Variants in DISC1 observed in about 807,000 individuals in gnomAD.
The protein encoded by DISC1 is disrupted in schizophrenia 1 protein.
Under a neutral mutation model 84.5 loss-of-function variants are expected in DISC1, and 57 were observed. The observed-to-expected ratio is 0.67, with a 90% CI of 0.55 to 0.84. DISC1 has a LOEUF of 0.84. Ranked by LOEUF, DISC1 falls within the 40% of genes least tolerant of loss-of-function variation. The pLI is 0.00. For synonymous variants in DISC1, 411 were observed against 415.2 expected, an observed-to-expected ratio of 0.99 and a Z score of 0.12; for missense variants, 1,000 against 1,057.8, an observed-to-expected ratio of 0.95 and a Z score of 0.76.
chr1:231,819,069 G>A (rs974365024), intron 9 of DISC1: 7 of 986,906 alleles, frequency 7.1e-6, no homozygotes, highest in Admixed American at 1.2e-4. Flanking sequence ...TTTTCCAGTC[G>A]TTAGGAGTAA....
chr1:231,918,305 C>T (rs994447140), intron 9 of DISC1, among the ~76,000 whole-genome samples: 2 of 152,194 alleles, frequency 1.3e-5, no homozygotes. Context: ...GATGAGAGAA[C>T]CAAGATGATT....
intron 8 of DISC1, 36 bp downstream of exon 8, chr1:231,800,246 A>T (rs777560412): frequency 6.7e-7 from 1 of 1,501,894 alleles, no homozygotes; most frequent in Non-Finnish European, 9.3e-7. Context: ...AAGCTATCCA[A>T]CTAAAATAAT....
At chr1:231,875,186 T>C (rs1179340183) in intron 9 of DISC1, among the ~76,000 whole-genome samples, 4 of 152,176 alleles carry the variant, frequency 2.6e-5, no homozygotes, top group African/African-American at 9.7e-5. Context: ...TATTAAGCTG[T>C]AATGTTTGGA....
chr1:231,790,701 G>A (rs1271004992), intron 6 of DISC1, among the ~76,000 whole-genome samples: 1 of 151,912 alleles, frequency 6.6e-6, no homozygotes, highest in African/African-American at 2.4e-5. Flanking sequence ...TGTATTTTTA[G>A]TAGAGACGGG....
At position 231,694,624 on chromosome 1, in the gene DISC1, G is replaced by A. The variant is rs1352660749; in HGVS notation, c.866G>A (p.Arg289His). 5.6e-6 allele frequency: 9 copies of A among 1,614,144 alleles called. No individual in the cohort carries two copies. The highest frequency in any genetic ancestry group is 2.7e-5 in the African/African-American group (2 of 74,954). ...GCAAGGAACAGCTCCAGGCCAGAGC[G>A]TGACATGCATTCTTTACCAGACATG... ...QAARNSSRPE[R>H]DMHSLPDMDP... Residue 289 changes from arginine to histidine, a missense_variant, in exon 2 of 13, where the codon CGT becomes CAT. This residue lies in a region of DISC1 where 311 missense variants were observed against 400.1 expected (regional missense o/e 0.78). Transcript: ENST00000439617.
chr1:231,968,267 C>T (rs909368541), intron 10 of DISC1, among the ~76,000 whole-genome samples: 72 of 152,250 alleles, frequency 4.7e-4, no homozygotes, highest in African/African-American at 1.7e-3. Context: ...GTTCCATCTT[C>T]TAGAATTCCA....
At chr1:231,947,358 AAGATTC>A in intron 9 of DISC1, among the ~76,000 whole-genome samples, 1 of 152,356 alleles carries the variant, frequency 6.6e-6, no homozygotes, top group Non-Finnish European at 1.5e-5. Flanking sequence ...CAATGGGGAA[AAGATTC>A]CCTATTTAAC....
At chr1:231,777,153 C>T (rs1483813571) in intron 6 of DISC1, among the ~76,000 whole-genome samples, 3 of 152,180 alleles carry the variant, frequency 2.0e-5, no homozygotes, top group African/African-American at 4.8e-5. Flanking sequence ...TAGACATCAT[C>T]TGGAGAAAGA....
intron 9 of DISC1, among the ~76,000 whole-genome samples, chr1:231,847,036 T>G (rs959690690): frequency 2.0e-5 from 3 of 152,204 alleles, no homozygotes; most frequent in African/African-American, 7.2e-5. Flanking sequence ...TTTACATTAG[T>G]TTGCTAGGCC....
chr1:231,811,295 G>A (rs2080269484), intron 8 of DISC1, among the ~76,000 whole-genome samples: 1 of 152,148 alleles, frequency 6.6e-6, no homozygotes. Flanking sequence ...GGAGCAGTTG[G>A]CTGGGGCTTC....
At chr1:231,797,062 A>G (rs901495932) in intron 7 of DISC1, among the ~76,000 whole-genome samples, 78 of 152,200 alleles carry the variant, frequency 5.1e-4, no homozygotes, top group Non-Finnish European at 1.1e-3. Flanking sequence ...ATTTCTATGT[A>G]GAATTAAAAG....
chr1:231,994,968 C>A (rs565648819), intron 10 of DISC1, among the ~76,000 whole-genome samples: 18 of 152,292 alleles, frequency 1.2e-4, no homozygotes, highest in African/African-American at 3.9e-4. Flanking sequence ...TTTCAACCAA[C>A]AATGACCTCT....
intron 11 of DISC1, among the ~76,000 whole-genome samples, chr1:232,015,993 G>T (rs1289838126): frequency 6.6e-6 from 1 of 152,128 alleles, no homozygotes; most frequent in Non-Finnish European, 1.5e-5. Context: ...GCTCTTCTTT[G>T]TCTGAGTGCC....
intron 10 of DISC1, among the ~76,000 whole-genome samples, chr1:231,978,711 A>G (rs749736829): frequency 6.6e-6 from 1 of 152,202 alleles, no homozygotes; most frequent in Non-Finnish European, 1.5e-5. Flanking sequence ...CTCTTTTGAC[A>G]TTAACCTAGA....
At chr1:231,925,978 A>G (rs1295036176) in intron 9 of DISC1, 1 of 152,180 alleles carries the variant, frequency 6.6e-6, no homozygotes, top group Non-Finnish European at 1.5e-5. Flanking sequence ...TAAGCCACCC[A>G]GTTTTCGATA....
intron 9 of DISC1, among the ~76,000 whole-genome samples, chr1:231,929,963 A>C (rs1361450106): frequency 6.6e-6 from 1 of 152,094 alleles, no homozygotes; most frequent in Non-Finnish European, 1.5e-5. Context: ...TGGGTGACAC[A>C]GGGGCCATGG....
chr1:231,858,893 C>A (rs531913118), intron 9 of DISC1, among the ~76,000 whole-genome samples: 5 of 152,172 alleles, frequency 3.3e-5, no homozygotes, highest in Admixed American at 2.0e-4. Context: ...TTCAGGGTCA[C>A]CCTTGTGAAA....
At chr1:231,831,178 GC>G (rs1416009532) in intron 9 of DISC1, among the ~76,000 whole-genome samples, 1 of 152,188 alleles carries the variant, frequency 6.6e-6, no homozygotes, top group African/African-American at 2.4e-5. Context: ...CTGGGCAGGG[GC>G]AAATCCCCGG....
At chr1:231,659,621 A>G (rs2061413971) in intron 1 of DISC1, among the ~76,000 whole-genome samples, 1 of 152,170 alleles carries the variant, frequency 6.6e-6, no homozygotes, top group Admixed American at 6.5e-5. Flanking sequence ...TTAATGCTCT[A>G]AATTTCCCTC....
Sources: gnomAD v4.1 joint callset for allele counts (sites outside exome capture counted in the v4.1 genomes callset) on GRCh38, gnomAD v4.1.1 for gene constraint, gnomAD v4.1.1 regional missense constraint, MANE v1.5 for transcripts, NCBI Gene and HGNC (gene_info 2026-07-23, HGNC 2026-07-21) for gene names.